VEGFC: variants seen among roughly 807,000 people sequenced by gnomAD.
VEGFC encodes the protein vascular endothelial growth factor C, also known as FLT4 ligand DHM.
Under a neutral mutation model 46.1 loss-of-function variants are expected in VEGFC, and 12 were observed. The ratio of observed to expected loss-of-function variants is 0.26; its 90% CI spans 0.17 to 0.42. VEGFC has a LOEUF of 0.42. Ranked by LOEUF, VEGFC falls within the 10% of genes least tolerant of loss-of-function variation. The probability of loss-of-function intolerance (pLI) is 1.00; values close to 1 mark genes in which losing one functional copy is unlikely to be tolerated. For missense variants in VEGFC, 488 were observed against 529.4 expected, an observed-to-expected ratio of 0.92 and a Z score of 0.77; for synonymous variants, 232 against 195.5, an observed-to-expected ratio of 1.19 and a Z score of -1.56.
intron 1 of VEGFC, among the ~76,000 whole-genome samples, chr4:176,771,808 T>A (rs986823762): frequency 9.2e-5 from 14 of 152,182 alleles, no homozygotes; most frequent in African/African-American, 3.4e-4. Context: ...CCTCTTATGC[T>A]TAGATGTTTG....
At chr4:176,724,892 T>C (rs917496055) in intron 3 of VEGFC, among the ~76,000 whole-genome samples, 2 of 152,014 alleles carry the variant, frequency 1.3e-5, no homozygotes, top group African/African-American at 4.8e-5. Flanking sequence ...GAGAGAAGAA[T>C]ACTGATTATC....
At chr4:176,790,427 A>G (rs79382177) in intron 1 of VEGFC, among the ~76,000 whole-genome samples, 2,106 of 152,302 alleles carry the variant, frequency 0.014, 37 homozygotes, top group Middle Eastern at 0.11. Flanking sequence ...AATTTGCCAT[A>G]TCACCAATGG....
At position 176,792,808 on chromosome 4, in the gene VEGFC, A is replaced by AAGGCGGCG. The variant is rs1553998667; in HGVS notation, c.-498_-497insCGCCGCCT. 1 of 143,264 alleles carries AAGGCGGCG rather than the reference A, an allele frequency of 7.0e-6. No individual in the cohort carries two copies. Among genetic ancestry groups the AAGGCGGCG allele is most frequent in the African/African-American group, 2.5e-5 (1 of 39,498 alleles). The allele number at this position is 143,264 out of a possible 1,614,324, so 8.9% of individuals were successfully genotyped here. ...TGGCGGCGGTGCCGGGGGCGGGAGG[A>AAGGCGGCG]GGGCGGCGGGGCGGCTGGCGGCGGC... On this transcript the variant is annotated 5_prime_UTR_variant, in exon 1 of 7. An upstream open reading frame in the 5' UTR loses its in-frame stop. Transcript: ENST00000618562. This position sits in a 1 kb window ranked among gnomAD's most constrained non-coding sequence, Gnocchi z 6.3.
At chr4:176,698,152 T>A (rs914734449) in intron 4 of VEGFC, among the ~76,000 whole-genome samples, 4 of 149,450 alleles carry the variant, frequency 2.7e-5, no homozygotes, top group Non-Finnish European at 5.9e-5. Flanking sequence ...ATAAAAATAA[T>A]AATAATAATA....
Position 176,792,243 on chromosome 4 carries a change from G to A in VEGFC, c.69C>T (p.Arg23=). Residue 23 remains arginine, a synonymous_variant, in exon 1 of 7, where the codon CGC becomes CGT. Coordinates refer to ENST00000618562, the MANE Select transcript of VEGFC (RefSeq NM_005429.5). The surrounding 1 kb of genome is among the most constrained non-coding windows in gnomAD (Gnocchi z 6.3). ...LLAAALLPGP[R]EAPAAAAAFE... is the part of the protein sequence containing the mutation. ...AGGCGGCGGCGGCGGCGGGCGCCTC[G>A]CGAGGACCCGGGAGCAGCGCAGCGG... The A allele has an allele frequency of 6.4e-7, 1 of 1,555,156 alleles. No homozygotes were observed. Among genetic ancestry groups the A allele is most frequent in the South Asian group, 1.2e-5 (1 of 85,440 alleles).
In VEGFC at chr4:176,792,356, G is replaced by A; in HGVS notation, c.-45C>T. On this transcript the variant is annotated 5_prime_UTR_variant, in exon 1 of 7. Transcript: ENST00000618562. The surrounding 1 kb of genome is among the most constrained non-coding windows in gnomAD (Gnocchi z 6.3). ...GGGGACCGGTCCGCTGGCGGGGGCA[G>A]GGGTGGGGGCGCGGGCGCCCCTGCG... The A allele has an allele frequency of 1.4e-6, 2 of 1,396,912 alleles. No individual in the cohort carries two copies. The highest frequency in any genetic ancestry group is 1.9e-6 in the Non-Finnish European group (2 of 1,073,146). 86.5% of individuals were successfully genotyped at this position (1,396,912 alleles called of 1,614,324 possible).
At chr4:176,699,377 A>C (rs1262991030) in intron 4 of VEGFC, among the ~76,000 whole-genome samples, 1 of 152,220 alleles carries the variant, frequency 6.6e-6, no homozygotes, top group Non-Finnish European at 1.5e-5. Flanking sequence ...AAATAAGGGA[A>C]ACCTGACTCC....
At chr4:176,726,813 T>C (rs1450302136) in intron 3 of VEGFC, among the ~76,000 whole-genome samples, 1 of 152,242 alleles carries the variant, frequency 6.6e-6, no homozygotes, top group African/African-American at 2.4e-5. Context: ...TTTTCTGTCA[T>C]ACCACATCAT....
intron 1 of VEGFC, among the ~76,000 whole-genome samples, chr4:176,762,869 A>G (rs934486983): frequency 2.0e-5 from 3 of 152,214 alleles, no homozygotes; most frequent in African/African-American, 7.2e-5. Context: ...CAGAGCCCAG[A>G]GCTCTCTTAA....
intron 1 of VEGFC, among the ~76,000 whole-genome samples, chr4:176,737,699 AT>A (rs2111027244): frequency 6.6e-6 from 1 of 151,846 alleles, no homozygotes; most frequent in South Asian, 2.1e-4. Flanking sequence ...AATCATATCA[AT>A]TCTTCACAAT....
chr4:176,751,043 A>G (rs1260062505), intron 1 of VEGFC, among the ~76,000 whole-genome samples: 1 of 151,952 alleles, frequency 6.6e-6, no homozygotes, highest in East Asian at 1.9e-4. Flanking sequence ...AATAAATGAA[A>G]TACATTTATT....
chr4:176,699,327 G>T (rs531009916), intron 4 of VEGFC, among the ~76,000 whole-genome samples: 1 of 152,120 alleles, frequency 6.6e-6, no homozygotes, highest in African/African-American at 2.4e-5. Flanking sequence ...GTCACTCAGC[G>T]GGTTATCCAA....
chr4:176,775,875 C>A (rs749199546), intron 1 of VEGFC, among the ~76,000 whole-genome samples: 1 of 152,016 alleles, frequency 6.6e-6, no homozygotes, highest in East Asian at 1.9e-4. Flanking sequence ...GTCATTCCCA[C>A]GCTATTAACA....
chr4:176,694,702 A>G (rs1215769049), intron 4 of VEGFC, among the ~76,000 whole-genome samples: 1 of 146,512 alleles, frequency 6.8e-6, no homozygotes, highest in Non-Finnish European at 1.5e-5. Context: ...CACCACACCT[A>G]TTCCAAAATT....
intron 1 of VEGFC, among the ~76,000 whole-genome samples, chr4:176,780,433 G>A (rs973062590): frequency 2.7e-5 from 4 of 145,984 alleles, no homozygotes; most frequent in Admixed American, 6.9e-5. Flanking sequence ...CACTAAGCAC[G>A]CATTTAATAC....
At chr4:176,720,650 G>C (rs13105049) in intron 3 of VEGFC, among the ~76,000 whole-genome samples, 106,427 of 151,622 alleles carry the variant, frequency 0.7, 43,231 homozygotes, top group East Asian at 0.94. Context: ...GACCAGCCTG[G>C]CTAACATGGT....
intron 4 of VEGFC, among the ~76,000 whole-genome samples, chr4:176,692,631 C>G (rs1297765127): frequency 1.4e-5 from 2 of 143,812 alleles, no homozygotes; most frequent in Admixed American, 1.4e-4. Context: ...CACCACAGCT[C>G]AAGGAGGCCT....
intron 1 of VEGFC, among the ~76,000 whole-genome samples, chr4:176,772,472 T>C (rs925060065): frequency 1.3e-5 from 2 of 152,190 alleles, no homozygotes; most frequent in South Asian, 2.1e-4. Context: ...CAGGTGGGTA[T>C]ACAAAGAGTA....
intron 4 of VEGFC, among the ~76,000 whole-genome samples, chr4:176,702,719 T>G (rs565188168): frequency 6.6e-6 from 1 of 152,214 alleles, no homozygotes; most frequent in South Asian, 2.1e-4. Context: ...TTTAGCACTA[T>G]TAACTTCAAG....
Sources: allele counts gnomAD v4.1 joint callset (sites outside exome capture counted in the v4.1 genomes callset), GRCh38; gene constraint gnomAD v4.1.1; non-coding constraint Gnocchi (gnomAD v3.1); transcripts MANE v1.5; gene names NCBI Gene and HGNC (gene_info 2026-07-23, HGNC 2026-07-21).